PTAR1: variants seen among roughly 807,000 people sequenced by gnomAD.
PTAR1 encodes the protein protein prenyltransferase alpha subunit repeat containing 1, also known as protein prenyltransferase alpha subunit repeat-containing protein 1.
Under a neutral mutation model 45.5 loss-of-function variants are expected in PTAR1, and 17 were observed. That is an observed-to-expected ratio of 0.37 (90% confidence interval 0.26 to 0.56). The LOEUF is 0.56. Among genes scored for constraint, PTAR1 ranks in the 20% least tolerant of loss-of-function variants. PTAR1 has a pLI of 0.77. For synonymous variants in PTAR1, 169 were observed against 171.3 expected, an observed-to-expected ratio of 0.99 and a Z score of 0.11; for missense variants, 391 against 476.3, an observed-to-expected ratio of 0.82 and a Z score of 1.67.
chr9:69,723,748 T>C, intron 5 of PTAR1, 118 bp from the exon 6 acceptor site: 1 of 773,308 alleles, frequency 1.3e-6, no homozygotes, highest in South Asian at 1.8e-5. Context: ...TTCTTACCAA[T>C]ATTTTGTACA....
chr9:69,758,722 C>T (rs772429795), intron 1 of PTAR1: 1 of 398,300 alleles, frequency 2.5e-6, no homozygotes, highest in South Asian at 1.8e-5. Flanking sequence ...GAAAAGAACA[C>T]TTTGGTAAGA....
chr9:69,752,516 T>G (rs1826576518), intron 1 of PTAR1, among the ~76,000 whole-genome samples: 1 of 152,104 alleles, frequency 6.6e-6, no homozygotes, highest in African/African-American at 2.4e-5. Context: ...TGGGTTTTTA[T>G]CCTTACAATT....
chr9:69,724,689 G>T (rs73461076), intron 5 of PTAR1, among the ~76,000 whole-genome samples: 6,616 of 152,116 alleles, frequency 0.043, 489 homozygotes, highest in African/African-American at 0.15. Context: ...ATTTATTAAA[G>T]AATTTCAGTG....
intron 4 of PTAR1, among the ~76,000 whole-genome samples, chr9:69,732,773 C>G (rs1162196794): frequency 2.6e-5 from 4 of 151,950 alleles, no homozygotes; most frequent in African/African-American, 9.7e-5. Flanking sequence ...CATGCCTCAC[C>G]CTATGTGCAT....
Position 69,711,344 on chromosome 9 carries a change from G to A in PTAR1, c.*6998C>T, listed in dbSNP as rs1824515857. The A allele has an allele frequency of 6.6e-6, 1 of 152,144 alleles. No homozygotes were observed. The highest frequency in any genetic ancestry group is 1.5e-5 in the Non-Finnish European group (1 of 68,026). The allele number at this position is 152,144 out of a possible 1,614,324, so 9.4% of individuals were successfully genotyped here. On this transcript the variant is annotated 3_prime_UTR_variant, in exon 8 of 8. Coordinates refer to ENST00000340434, the MANE Select transcript of PTAR1 (RefSeq NM_001099666.2). The stretch of plus-strand genomic sequence containing the variant: ...ACTCTGTTCCTCACAGTTCAGGTAG[G>A]AATGTTTATTTGTGTTTTATAAAAC...
intron 2 of PTAR1, among the ~76,000 whole-genome samples, chr9:69,747,423 T>C (rs1170406051): frequency 1.3e-5 from 2 of 152,186 alleles, no homozygotes; most frequent in Non-Finnish European, 2.9e-5. Context: ...AGCAAAGGCA[T>C]GGAAGTAAGG....
intron 2 of PTAR1, among the ~76,000 whole-genome samples, chr9:69,747,964 G>A (rs1223830337): frequency 1.3e-5 from 2 of 152,086 alleles, no homozygotes; most frequent in African/African-American, 4.8e-5. Flanking sequence ...AATAAGATGA[G>A]CATATAATGT....
intron 1 of PTAR1, among the ~76,000 whole-genome samples, chr9:69,754,050 C>A (rs1826649918): frequency 6.6e-6 from 1 of 152,164 alleles, no homozygotes; most frequent in African/African-American, 2.4e-5. Flanking sequence ...TGTTATGCTG[C>A]TTTCTAAAAA....
Position 69,732,138 on chromosome 9 carries a change from C to T in PTAR1, c.642+1G>A, listed in dbSNP as rs1482698348. The T allele has an allele frequency of 5.0e-6, 8 of 1,609,044 alleles. No homozygotes were observed. In the Admixed American group the frequency reaches 1.2e-4, roughly 23 times the overall value. ...TGCCCAGGAGACAGTAATATTCCTA[C>T]CTTGACATCTAGCTTGGCCAAGTGC... On this transcript the variant is annotated splice_donor_variant, in intron 5 of 7. Transcript: ENST00000340434. LOFTEE classifies it high-confidence loss of function.
chr9:69,757,191 T>C (rs975831076), intron 1 of PTAR1: 3 of 152,224 alleles, frequency 2.0e-5, no homozygotes, highest in Admixed American at 1.3e-4. Flanking sequence ...AACGTGACTG[T>C]TTACATTATA....
intron 3 of PTAR1, among the ~76,000 whole-genome samples, chr9:69,736,230 G>A (rs958862783): frequency 1.3e-5 from 2 of 152,126 alleles, no homozygotes; most frequent in African/African-American, 4.8e-5. Context: ...ACTCAGGTGG[G>A]CACAGCAATA....
chr9:69,727,950 T>C (rs1444699900), intron 5 of PTAR1, among the ~76,000 whole-genome samples: 3 of 152,148 alleles, frequency 2.0e-5, no homozygotes, highest in Non-Finnish European at 4.4e-5. Flanking sequence ...CAAAACCCCA[T>C]TCCTATTAGA....
intron 1 of PTAR1, among the ~76,000 whole-genome samples, chr9:69,752,539 T>G (rs1479140070): frequency 6.6e-6 from 1 of 152,074 alleles, no homozygotes; most frequent in Non-Finnish European, 1.5e-5. Flanking sequence ...TTCCGTTGAC[T>G]CAAAGGTGTT....
intron 6 of PTAR1, among the ~76,000 whole-genome samples, chr9:69,720,088 GTC>G (rs376597536): frequency 4.4e-4 from 67 of 152,246 alleles, no homozygotes; most frequent in African/African-American, 1.5e-3. Context: ...AGAGTCACAG[GTC>G]TCTCACTTTA....
At chr9:69,741,343 C>T (rs1263858550) in intron 3 of PTAR1, among the ~76,000 whole-genome samples, 1 of 152,150 alleles carries the variant, frequency 6.6e-6, no homozygotes. Context: ...ACTGCCATTT[C>T]AGTAAATGGC....
rs375890247 is a variant in PTAR1 at position 69,752,871 on chromosome 9, C to T, written c.87-1921G>A. 8.9e-4 allele frequency among the ~76,000 whole-genome samples: 135 copies of T among 152,176 alleles called. 1 individual carries two copies. In the South Asian group the frequency reaches 0.027, roughly 30 times the overall value. ...TCTATCTAATTCATTATTATGACCCCTAGCCATATCTAGCTATACTTGACT... is the reference window on the plus strand; with the variant it reads ...TCTATCTAATTCATTATTATGACCCTTAGCCATATCTAGCTATACTTGACT... On this transcript the variant is annotated intron_variant, in intron 1 of 7. Transcript: ENST00000340434.
At chr9:69,748,567 T>G (rs1371826188) in intron 2 of PTAR1, among the ~76,000 whole-genome samples, 1 of 152,092 alleles carries the variant, frequency 6.6e-6, no homozygotes, top group Non-Finnish European at 1.5e-5. Flanking sequence ...CATTTTTAGG[T>G]GGATGCCTAG....
At position 69,718,493 on chromosome 9, in the gene PTAR1, G is replaced by C; in HGVS notation, c.1058C>G (p.Thr353Ser). The C allele has an allele frequency of 6.2e-7, 1 of 1,613,760 alleles. No homozygotes were observed. Among genetic ancestry groups the C allele is most frequent in the Non-Finnish European group, 8.5e-7 (1 of 1,179,740 alleles). ...DSSKQGYSQE[T>S]KRLKRTPVPD... Reference sequence around the variant, plus strand: ...AACTGGCGTCCGCTTCAGGCGTTTGGTTTCCTGGGAATAGCCTTGCTTGCT... The same window carrying C: ...AACTGGCGTCCGCTTCAGGCGTTTGCTTTCCTGGGAATAGCCTTGCTTGCT... Residue 353 changes from threonine (T) to serine (S), a missense_variant, in exon 8 of 8, where the codon ACC (threonine) becomes AGC (serine). Around this residue, in one of 5 missense-constraint regions of PTAR1, gnomAD observed 181 missense variants for 227.7 expected, o/e 0.80. Transcript: ENST00000340434.
intron 1 of PTAR1, among the ~76,000 whole-genome samples, chr9:69,752,992 C>CA (rs899394743): frequency 2.0e-5 from 3 of 151,990 alleles, no homozygotes; most frequent in African/African-American, 7.2e-5. Context: ...TAAATAAACT[C>CA]AATGTGATTA....
Sources: allele counts gnomAD v4.1 joint callset (sites outside exome capture counted in the v4.1 genomes callset), GRCh38; gene constraint gnomAD v4.1.1; regional missense constraint gnomAD v4.1.1; transcripts MANE v1.5; gene names NCBI Gene and HGNC (gene_info 2026-07-23, HGNC 2026-07-21).